GPR158: variants seen among roughly 807,000 people sequenced by gnomAD.
The protein encoded by GPR158 is metabotropic glycine receptor.
Under a neutral mutation model 78.2 loss-of-function variants are expected in GPR158, and 30 were observed. That is an observed-to-expected ratio of 0.38 (90% confidence interval 0.29 to 0.52). The LOEUF (loss-of-function observed/expected upper bound fraction) is 0.52, where lower values mean the gene tolerates loss of function less well. GPR158 is among the 20% of genes least tolerant of loss of function. The pLI is 0.83. For missense variants in GPR158, 1,463 were observed against 1,523.5 expected, an observed-to-expected ratio of 0.96 and a Z score of 0.66; for synonymous variants, 581 against 591.1, an observed-to-expected ratio of 0.98 and a Z score of 0.25.
At chr10:25,396,695 T>C (rs1289653609) in intron 3 of GPR158, among the ~76,000 whole-genome samples, 1 of 152,222 alleles carries the variant, frequency 6.6e-6, no homozygotes, top group Non-Finnish European at 1.5e-5. Context: ...CTTGCTGTTA[T>C]TTGCATTATC....
chr10:25,502,623 A>G (rs1379876847), intron 5 of GPR158, among the ~76,000 whole-genome samples: 1 of 152,120 alleles, frequency 6.6e-6, no homozygotes, highest in Non-Finnish European at 1.5e-5. Flanking sequence ...AAAAAGTACA[A>G]TGAGCAAACT....
intron 7 of GPR158, among the ~76,000 whole-genome samples, chr10:25,575,405 G>C (rs1255483993): frequency 2.6e-5 from 4 of 152,066 alleles, no homozygotes; most frequent in African/African-American, 9.7e-5. Flanking sequence ...ATCATTAGAA[G>C]GGAGAAAGAG....
At chr10:25,567,070 C>T (rs1021738638) in intron 6 of GPR158, among the ~76,000 whole-genome samples, 2 of 152,170 alleles carry the variant, frequency 1.3e-5, no homozygotes, top group African/African-American at 4.8e-5. Context: ...AAGCTCAGGA[C>T]ATTAGGATTA....
chr10:25,258,719 G>A (rs1055642649), intron 2 of GPR158, among the ~76,000 whole-genome samples: 5 of 152,046 alleles, frequency 3.3e-5, no homozygotes, highest in Non-Finnish European at 7.4e-5. Context: ...AGGTCATATG[G>A]TCTCTGTTGC....
At chr10:25,593,779 T>C (rs1837369330) in intron 8 of GPR158, among the ~76,000 whole-genome samples, 1 of 152,102 alleles carries the variant, frequency 6.6e-6, no homozygotes, top group South Asian at 2.1e-4. Context: ...TTATAAACCA[T>C]TAGTATGTTT....
intron 2 of GPR158, among the ~76,000 whole-genome samples, chr10:25,237,739 A>G (rs550994504): frequency 1.3e-5 from 2 of 152,358 alleles, no homozygotes; most frequent in Admixed American, 6.5e-5. Context: ...TTTACTCACT[A>G]CTACTCAGCT....
At chr10:25,523,171 T>G (rs1480309192) in intron 5 of GPR158, among the ~76,000 whole-genome samples, 1 of 152,274 alleles carries the variant, frequency 6.6e-6, no homozygotes, top group East Asian at 1.9e-4. Flanking sequence ...AAGGGTCAGA[T>G]GGGTCAACAC....
chr10:25,387,516 A>ATTTTTTTTTTTTTTTT (rs57404980), intron 2 of GPR158, among the ~76,000 whole-genome samples: 1 of 140,486 alleles, frequency 7.1e-6, no homozygotes, highest in African/African-American at 2.8e-5. Flanking sequence ...TTCTCTTCAA[A>ATTTTTTTTTTTTTTTT]TTTTTTTTTT....
At chr10:25,376,544 A>G (rs1018825404) in intron 2 of GPR158, among the ~76,000 whole-genome samples, 4 of 151,618 alleles carry the variant, frequency 2.6e-5, no homozygotes, top group Admixed American at 2.6e-4. Flanking sequence ...TTTAAACCAT[A>G]CATATTGATT....
intron 1 of GPR158, among the ~76,000 whole-genome samples, chr10:25,193,281 G>T (rs1039028154): frequency 6.6e-6 from 1 of 152,152 alleles, no homozygotes; most frequent in South Asian, 2.1e-4. Context: ...GGGGAACGTG[G>T]CAGAGAATGG....
At chr10:25,275,467 G>C (rs1445677495) in intron 2 of GPR158, among the ~76,000 whole-genome samples, 1 of 152,086 alleles carries the variant, frequency 6.6e-6, no homozygotes, top group African/African-American at 2.4e-5. Context: ...TACTACAATA[G>C]CAGAAGAAAT....
intron 5 of GPR158, among the ~76,000 whole-genome samples, chr10:25,519,648 G>T: frequency 7.0e-6 from 1 of 142,938 alleles, no homozygotes; most frequent in Non-Finnish European, 1.5e-5. Flanking sequence ...AGCTTGGCTG[G>T]ATATGAAATT....
intron 2 of GPR158, among the ~76,000 whole-genome samples, chr10:25,256,969 C>A (rs1170704375): frequency 6.6e-6 from 1 of 152,146 alleles, no homozygotes; most frequent in East Asian, 1.9e-4. Flanking sequence ...AACATTGTCT[C>A]AGGTACAGAT....
intron 5 of GPR158, among the ~76,000 whole-genome samples, chr10:25,482,188 A>G (rs1323359400): frequency 6.6e-6 from 1 of 151,784 alleles, no homozygotes; most frequent in Non-Finnish European, 1.5e-5. Context: ...CTAAAATTCT[A>G]TTCTTTTTTT....
At chr10:25,384,692 A>G (rs1398303458) in intron 2 of GPR158, among the ~76,000 whole-genome samples, 5 of 61,258 alleles carry the variant, frequency 8.2e-5, no homozygotes, top group Admixed American at 5.9e-4. Flanking sequence ...CGGCACAAGT[A>G]TTATTTCTGT....
intron 5 of GPR158, among the ~76,000 whole-genome samples, chr10:25,468,406 T>G (rs527447036): frequency 2.0e-5 from 3 of 152,314 alleles, no homozygotes; most frequent in African/African-American, 7.2e-5. Context: ...TCCTAAACCT[T>G]GTTTTTTCTT....
intron 1 of GPR158, among the ~76,000 whole-genome samples, chr10:25,204,347 A>C (rs904326015): frequency 9.2e-5 from 14 of 152,140 alleles, no homozygotes; most frequent in Admixed American, 7.2e-4. Flanking sequence ...TCAAAGGGAA[A>C]GCTTCCAGTT....
chr10:25,207,221 C>T (rs1331212948), intron 1 of GPR158, among the ~76,000 whole-genome samples: 1 of 152,106 alleles, frequency 6.6e-6, no homozygotes, highest in African/African-American at 2.4e-5. Context: ...TTGGCATATC[C>T]AGCAAGACCA....
chr10:25,252,017 T>G (rs1453737758), intron 2 of GPR158, among the ~76,000 whole-genome samples: 1 of 151,102 alleles, frequency 6.6e-6, no homozygotes, highest in African/African-American at 2.4e-5. Flanking sequence ...TCATTTCTTT[T>G]TATTCTTTTT....
Sources: allele counts gnomAD v4.1 joint callset (sites outside exome capture counted in the v4.1 genomes callset), GRCh38; gene constraint gnomAD v4.1.1; transcripts MANE v1.5; gene names NCBI Gene and HGNC (gene_info 2026-07-23, HGNC 2026-07-21).